C2CD5: variants seen among roughly 807,000 people sequenced by gnomAD.
The protein encoded by C2CD5 is C2 calcium dependent domain containing 5, also known as C2 domain-containing protein 5.
C2CD5 carries 109 observed loss-of-function variants against 130.3 expected under a neutral mutation model. The observed-to-expected ratio is 0.84, with a 90% CI of 0.72 to 0.98. The LOEUF (loss-of-function observed/expected upper bound fraction) is 0.98, where lower values mean the gene tolerates loss of function less well. C2CD5 is among the 50% of genes least tolerant of loss of function. C2CD5 has a pLI of 0.00. For synonymous variants in C2CD5, 454 were observed against 429.2 expected (o/e 1.06, Z -0.71); for missense variants, 996 against 1,261.8 (o/e 0.79, Z 3.19).
At chr12:22,525,313 T>C (rs772599791) in intron 5 of C2CD5, among the ~76,000 whole-genome samples, 3 of 152,162 alleles carry the variant, frequency 2.0e-5, no homozygotes, top group Non-Finnish European at 2.9e-5. Context: ...CCTGTGTATT[T>C]TGGGACAGCA....
rs964123104 is a variant in C2CD5, at chr12:22,518,829, T to C, written c.801-692A>G. 1.1e-4 allele frequency among the ~76,000 whole-genome samples: 17 copies of C among 152,214 alleles called. No individual in the cohort carries two copies. In the South Asian group the frequency reaches 2.5e-3, roughly 22 times the overall value. Reference sequence around the variant, plus strand: ...ATGCAGAAATAATTATAAAAATATATATGGGAGGATTCGCCACAAAATTCA... The same window carrying C: ...ATGCAGAAATAATTATAAAAATATACATGGGAGGATTCGCCACAAAATTCA... On this transcript the variant is annotated intron_variant, in intron 7 of 26. Transcript: ENST00000446597.
intron 10 of C2CD5, among the ~76,000 whole-genome samples, chr12:22,505,374 A>G (rs55832142): frequency 0.042 from 6,238 of 150,158 alleles, 167 homozygotes; most frequent in South Asian, 0.11. Context: ...TCTCTGCCTC[A>G]GCTTCCCAAG....
chr12:22,466,400 T>C (rs939563744), intron 22 of C2CD5, among the ~76,000 whole-genome samples: 3 of 152,108 alleles, frequency 2.0e-5, no homozygotes, highest in Non-Finnish European at 4.4e-5. Flanking sequence ...TTAAGCCTCT[T>C]ATGGTTGCAT....
At chr12:22,456,175 A>G (rs1015334058) in intron 25 of C2CD5, among the ~76,000 whole-genome samples, 1 of 152,210 alleles carries the variant, frequency 6.6e-6, no homozygotes, top group South Asian at 2.1e-4. Context: ...CTGCTGGTGA[A>G]GAAGGGCACA....
chr12:22,532,198 C>T (rs1307031752), intron 3 of C2CD5, among the ~76,000 whole-genome samples: 5 of 151,874 alleles, frequency 3.3e-5, no homozygotes, highest in East Asian at 1.9e-4. Flanking sequence ...GGTGTGGTGG[C>T]GCATGACTGT....
rs541650134 is a variant in C2CD5 at position 22,470,461 on chromosome 12, T to TA, written c.2446+362dup. ...ACTATGGAACTTGTCCTGAAAATAA[T>TA]ACACAGGCACACAATTGTGCTTACT... On this transcript the variant is annotated intron_variant, in intron 21 of 26. Coordinates refer to ENST00000446597, the MANE Select transcript of C2CD5 (RefSeq NM_001286176.2). Among the ~76,000 whole-genome samples the TA allele has an allele frequency of 1.6e-3, 240 of 152,222 alleles. 1 individual carries two copies. Among genetic ancestry groups the TA allele is most frequent in the African/African-American group, 5.5e-3 (227 of 41,572 alleles).
chr12:22,524,709 C>G, intron 5 of C2CD5, 82 bp from the exon 6 acceptor site: 1 of 920,156 alleles, frequency 1.1e-6, no homozygotes, highest in South Asian at 1.5e-5. Context: ...ATTTTCTGAC[C>G]TTTAGATACA....
chr12:22,449,950 T>C lies in C2CD5; in HGVS notation c.3025-59A>G, dbSNP rs776128544. On this transcript the variant is annotated intron_variant, in intron 26 of 26. Transcript: ENST00000446597. Reference sequence around the variant, plus strand: ...TACTCAACACATTCATACTCTTCTGTTACATAAGGGGCAGTGCTGTACAGC... The same window carrying C: ...TACTCAACACATTCATACTCTTCTGCTACATAAGGGGCAGTGCTGTACAGC... 1.9e-4 allele frequency: 277 copies of C among 1,449,998 alleles called. 2 individuals are homozygous for C. Among genetic ancestry groups the C allele is most frequent in the South Asian group, 8.8e-4 (68 of 77,092 alleles). 89.8% of individuals were successfully genotyped at this position (1,449,998 alleles called of 1,614,324 possible).
At chr12:22,543,611 T>C (rs1322850620) in intron 2 of C2CD5, among the ~76,000 whole-genome samples, 1 of 152,208 alleles carries the variant, frequency 6.6e-6, no homozygotes, top group Non-Finnish European at 1.5e-5. Flanking sequence ...TGTGCCTGTG[T>C]GTGTGTGTGT....
At chr12:22,518,912 T>G in intron 7 of C2CD5, 1 of 402,574 alleles carries the variant, frequency 2.5e-6, no homozygotes, top group Non-Finnish European at 4.4e-6. Flanking sequence ...CTTTGGAAGC[T>G]GGAAGAATAC....
At chr12:22,535,486 C>T (rs750585687) in intron 2 of C2CD5, 142 bp from the exon 3 acceptor site, 35 of 598,146 alleles carry the variant, frequency 5.9e-5, no homozygotes, top group Non-Finnish European at 9.3e-5. Context: ...GAAGAAGGTA[C>T]AGATGGATCC....
Position 22,527,799 on chromosome 12 carries a change from T to G in C2CD5, c.271A>C (p.Ile91Leu). Residue 91 changes from isoleucine to leucine, a missense_variant, in exon 4 of 27, where the codon ATT becomes CTT. Around this residue, in one of 9 missense-constraint regions of C2CD5, gnomAD observed 68 missense variants for 154.5 expected, o/e 0.44. Transcript: ENST00000446597. ...CTATACAGTAAAGGATCAATATCAA[T>G]GTACACTTTACCAATGGCATCATTT... is the stretch of plus-strand genomic sequence containing the variant. ...SANDAIGKVYIDIDPLLYSEA... is the reference protein window; with the variant it reads ...SANDAIGKVYLDIDPLLYSEA... The G allele has an allele frequency of 1.2e-6, 2 of 1,610,218 alleles. No individual in the cohort carries two copies. The highest frequency in any genetic ancestry group is 1.1e-5 in the South Asian group (1 of 90,914).
intron 9 of C2CD5, chr12:22,512,683 A>T (rs777990369): frequency 6.7e-7 from 1 of 1,489,528 alleles, no homozygotes; most frequent in South Asian, 1.3e-5. Flanking sequence ...ATCCTCCCTT[A>T]GCAATGAAGT....
At chr12:22,460,104 A>G (rs1385175846) in intron 22 of C2CD5, among the ~76,000 whole-genome samples, 1 of 152,202 alleles carries the variant, frequency 6.6e-6, no homozygotes, top group African/African-American at 2.4e-5. Flanking sequence ...CTAAAAAATG[A>G]GTGATCACAG....
intron 10 of C2CD5, among the ~76,000 whole-genome samples, chr12:22,495,116 T>C (rs1188579516): frequency 6.6e-6 from 1 of 152,114 alleles, no homozygotes; most frequent in Non-Finnish European, 1.5e-5. Flanking sequence ...TGAAATAAAA[T>C]TCTAACTTTT....
intron 10 of C2CD5, among the ~76,000 whole-genome samples, chr12:22,503,715 C>A (rs1948104606): frequency 6.6e-6 from 1 of 152,002 alleles, no homozygotes; most frequent in African/African-American, 2.4e-5. Flanking sequence ...TTTCACCATG[C>A]TGCCCAGGCC....
chr12:22,474,927 T>C (rs1943624964), intron 15 of C2CD5, 36 bp from the exon 16 acceptor site: 4 of 1,448,514 alleles, frequency 2.8e-6, no homozygotes, highest in African/African-American at 1.4e-5. Flanking sequence ...TCATATGAGA[T>C]TGTCTTTTCC....
chr12:22,471,899 G>T, intron 19 of C2CD5, 68 bp downstream of exon 19: 1 of 856,820 alleles, frequency 1.2e-6, no homozygotes, highest in Non-Finnish European at 2.0e-6. Flanking sequence ...AGACAATACA[G>T]CAATATAGAC....
chr12:22,544,457 C>G lies in C2CD5; in HGVS notation c.-167G>C. ...CGAAAAGCAAAACCCAGTCAGCATCCCGTTGAGCCTCTGCCGCCCCTGCTT... is the reference window on the plus strand; with the variant it reads ...CGAAAAGCAAAACCCAGTCAGCATCGCGTTGAGCCTCTGCCGCCCCTGCTT... On this transcript the variant is annotated 5_prime_UTR_variant, in exon 1 of 27. Coordinates refer to ENST00000446597, the MANE Select transcript of C2CD5 (RefSeq NM_001286176.2). 4.0e-6 allele frequency: 1 copy of G among 247,032 alleles called. No individual in the cohort carries two copies. Among genetic ancestry groups the G allele is most frequent in the Non-Finnish European group, 7.7e-6 (1 of 129,630 alleles). 15.3% of individuals were successfully genotyped at this position (247,032 alleles called of 1,614,324 possible). A position where few individuals can be genotyped will look rare whatever the true frequency, so the allele number is the denominator to read the frequency against.
Sources: allele counts gnomAD v4.1 joint callset (sites outside exome capture counted in the v4.1 genomes callset), GRCh38; gene constraint gnomAD v4.1.1; regional missense constraint gnomAD v4.1.1; transcripts MANE v1.5; gene names NCBI Gene and HGNC (gene_info 2026-07-23, HGNC 2026-07-21).